PPP2R3B: variants seen among roughly 807,000 people sequenced by gnomAD.
PPP2R3B encodes the protein protein phosphatase 2 regulatory subunit B''beta.
Under a neutral mutation model 72.9 loss-of-function variants are expected in PPP2R3B, and 68 were observed. That is an observed-to-expected ratio of 0.93 (90% CI 0.77 to 1.14). The LOEUF is 1.14. PPP2R3B is among the 50% of genes most tolerant of loss of function. The probability of loss-of-function intolerance (pLI) is 0.00; values close to 1 mark genes in which losing one functional copy is unlikely to be tolerated. For missense variants in PPP2R3B, 1,018 were observed against 842.0 expected (o/e 1.21, Z -2.59); for synonymous variants, 466 against 375.8 (o/e 1.24, Z -2.78).
intron 2 of PPP2R3B, among the ~76,000 whole-genome samples, chrX:357,017 A>T (rs1397267239): frequency 6.6e-6 from 1 of 151,678 alleles, no homozygotes; most frequent in Non-Finnish European, 1.5e-5. Flanking sequence ...TGTACCCTGT[A>T]TACACAAATA....
intron 1 of PPP2R3B, among the ~76,000 whole-genome samples, chrX:371,833 C>G (rs754805577): frequency 6.6e-6 from 1 of 150,384 alleles, no homozygotes; most frequent in Admixed American, 6.7e-5. Context: ...ACAAATACCC[C>G]CAAATATGCC....
intron 4 of PPP2R3B, 114 bp downstream of exon 4, chrX:347,120 T>C: frequency 1.6e-6 from 2 of 1,215,366 alleles, no homozygotes; most frequent in Non-Finnish European, 2.4e-6. Context: ...ACGCGGACCC[T>C]CCCGTGAGGG....
chrX:380,976 C>T (rs922943843), intron 1 of PPP2R3B, among the ~76,000 whole-genome samples: 3 of 151,114 alleles, frequency 2.0e-5, no homozygotes, highest in African/African-American at 4.9e-5. Flanking sequence ...CACTTTGTTG[C>T]CCCGGCGGGA....
chrX:355,138 G>A (rs2071411437), intron 2 of PPP2R3B, among the ~76,000 whole-genome samples: 1 of 152,202 alleles, frequency 6.6e-6, no homozygotes, highest in Non-Finnish European at 1.5e-5. Context: ...AGGTTGAGCT[G>A]GTAGAGCCGA....
intron 1 of PPP2R3B, among the ~76,000 whole-genome samples, chrX:385,355 G>GTCTTGC (rs2072224866): frequency 9.2e-6 from 1 of 108,978 alleles, no homozygotes; most frequent in Non-Finnish European, 1.7e-5. Context: ...TTGAGATGGA[G>GTCTTGC]TCTTGCTCTG....
chrX:347,767 T>C, intron 2 of PPP2R3B, 74 bp from the exon 3 acceptor site: 1 of 1,133,898 alleles, frequency 8.8e-7, no homozygotes, highest in South Asian at 1.6e-5. Flanking sequence ...ACCTCGCGCC[T>C]GACCGACGCC....
chrX:334,655 G>C (rs1397477413), intron 12 of PPP2R3B, 138 bp from the exon 13 acceptor site: 1 of 1,050,112 alleles, frequency 9.5e-7, no homozygotes, highest in Non-Finnish European at 1.3e-6. Context: ...TCCAGCCGCT[G>C]AGCCAGCAAC....
At position 386,677 on chromosome X, in the gene PPP2R3B, T is replaced by C. The variant is rs751768696; in HGVS notation, c.15A>G (p.Lys5=). 3.0e-5 allele frequency: 40 copies of C among 1,319,670 alleles called. No homozygotes were observed. In the Admixed American group the frequency reaches 1.1e-3, roughly 35 times the overall value. The allele number at this position is 1,319,670 out of a possible 1,614,324, so 81.7% of individuals were successfully genotyped here. A position where few individuals can be genotyped will look rare whatever the true frequency, so the allele number is the denominator to read the frequency against. The change falls in exon 1 of 13, where the codon AAA becomes AAG. Residue 5 remains lysine (K), a synonymous_variant. Transcript: ENST00000390665. The part of the protein sequence containing the change: MPPG[K]VLQPVLKMKV... ...TCATCTTCAGGACCGGCTGCAGCACTTTGCCGGGCGGCATGGCGGGGGCTG... is the reference window on the plus strand; with the variant it reads ...TCATCTTCAGGACCGGCTGCAGCACCTTGCCGGGCGGCATGGCGGGGGCTG...
At chrX:373,771 T>A (rs944644361) in intron 1 of PPP2R3B, 1 of 149,526 alleles carries the variant, frequency 6.7e-6, no homozygotes, top group African/African-American at 2.4e-5. Context: ...GCGCGCTCCA[T>A]GCGTCGCCCG....
chrX:334,697 A>G lies in PPP2R3B; in HGVS notation c.1578-180T>C, dbSNP rs767992180. ...CTGGCTGAGGACGCCGGCTCCACGAATGCTCCCGGGGGAGGGGCCTGCGGT... is the reference window on the plus strand; with the variant it reads ...CTGGCTGAGGACGCCGGCTCCACGAGTGCTCCCGGGGGAGGGGCCTGCGGT... On this transcript the variant is annotated intron_variant, in intron 12 of 12. Coordinates refer to ENST00000390665, the MANE Select transcript of PPP2R3B (RefSeq NM_013239.5). 85 of 719,916 alleles carry G rather than the reference A, an allele frequency of 1.2e-4. No individual in the cohort carries two copies. The African/African-American group carries it at 1.5e-3, about 13-fold the overall frequency. 44.6% of individuals were successfully genotyped at this position (719,916 alleles called of 1,614,324 possible). A position where few individuals can be genotyped will look rare whatever the true frequency, so the allele number is the denominator to read the frequency against.
chrX:384,756 G>A (rs2072207655), intron 1 of PPP2R3B, among the ~76,000 whole-genome samples: 1 of 151,952 alleles, frequency 6.6e-6, no homozygotes, highest in Non-Finnish European at 1.5e-5. Context: ...AGGCTGAGGC[G>A]GGTGGATCAC....
intron 3 of PPP2R3B, 104 bp from the exon 4 acceptor site, chrX:347,440 A>C (rs2071245171): frequency 1.5e-6 from 2 of 1,343,038 alleles, no homozygotes; most frequent in Non-Finnish European, 2.1e-6. Context: ...GGTGCGTGGC[A>C]GGTGGCCACA....
intron 12 of PPP2R3B, chrX:338,172 G>A (rs1473528124): frequency 1.4e-5 from 4 of 287,894 alleles, no homozygotes; most frequent in East Asian, 7.1e-5. Context: ...CTCACGCTCC[G>A]TGAGAAAGCA....
intron 10 of PPP2R3B, 112 bp downstream of exon 10, chrX:340,624 CCTCCCGTCCGTCCCCTCTCCCTGGGCTGT>C: frequency 1.1e-5 from 1 of 90,682 alleles, no homozygotes; most frequent in Non-Finnish European, 1.6e-5. Flanking sequence ...GGCCGTCCTC[CCTCCCGTCCGTCCCCTCTCCCTGGGCTGT>C]CATCCGTCCC....
chrX:376,146 G>A (rs2071987231), intron 1 of PPP2R3B, among the ~76,000 whole-genome samples: 2 of 151,816 alleles, frequency 1.3e-5, no homozygotes, highest in South Asian at 2.1e-4. Flanking sequence ...AGCCGAGATT[G>A]CGCCACTGCA....
At chrX:372,955 A>AT (rs759677962) in intron 1 of PPP2R3B, among the ~76,000 whole-genome samples, 74 of 152,312 alleles carry the variant, frequency 4.9e-4, no homozygotes, top group Admixed American at 2.4e-3. Context: ...AATAAATTTC[A>AT]AAGCCACTGA....
intron 2 of PPP2R3B, among the ~76,000 whole-genome samples, chrX:358,283 T>G (rs1268617877): frequency 6.6e-6 from 1 of 150,850 alleles, no homozygotes; most frequent in Non-Finnish European, 1.5e-5. Flanking sequence ...GAAGTTTGCC[T>G]GCGGCCCCCA....
intron 9 of PPP2R3B, 87 bp from the exon 10 acceptor site, chrX:341,027 G>A (rs1430012447): frequency 4.6e-6 from 7 of 1,522,884 alleles, no homozygotes; most frequent in Admixed American, 1.8e-5. Flanking sequence ...CACCGGGGGT[G>A]CACGCGTCCC....
intron 2 of PPP2R3B, among the ~76,000 whole-genome samples, chrX:358,087 A>T (rs981713154): frequency 9.9e-5 from 15 of 152,194 alleles, no homozygotes; most frequent in Non-Finnish European, 2.1e-4. Context: ...GCCCTCATTC[A>T]GTCACTCACG....
Sources: allele counts gnomAD v4.1 joint callset (sites outside exome capture counted in the v4.1 genomes callset), GRCh38; gene constraint gnomAD v4.1.1; transcripts MANE v1.5; gene names NCBI Gene and HGNC (gene_info 2026-07-23, HGNC 2026-07-21).